Variants in SPTBN1 observed in about 807,000 individuals in gnomAD.
The protein encoded by SPTBN1 is spectrin beta chain, non-erythrocytic 1.
In SPTBN1, 32 loss-of-function variants were observed where a neutral mutation model predicts 266.4. The ratio of observed to expected loss-of-function variants is 0.12; its 90% CI spans 0.09 to 0.16. The LOEUF (loss-of-function observed/expected upper bound fraction) is 0.16. Ranked by LOEUF, SPTBN1 falls within the 10% of genes least tolerant of loss-of-function variation. SPTBN1 has a pLI of 1.00. For missense variants in SPTBN1, 2,296 were observed against 3,067.1 expected, an observed-to-expected ratio of 0.75 and a Z score of 5.94; for synonymous variants, 1,336 against 1,162.2, an observed-to-expected ratio of 1.15 and a Z score of -3.04.
At chr2:54,557,752 T>G in intron 2 of SPTBN1, 1 of 985,408 alleles carries the variant, frequency 1.0e-6, no homozygotes, top group Non-Finnish European at 1.2e-6. Context: ...AGGCCCGTGT[T>G]ATTCCAGGAA....
At chr2:54,476,209 G>A (rs528058520) in intron 1 of SPTBN1, among the ~76,000 whole-genome samples, 14 of 152,126 alleles carry the variant, frequency 9.2e-5, no homozygotes, top group Admixed American at 7.9e-4. Flanking sequence ...CTCAAGGACG[G>A]TGGACTGATG....
At chr2:54,486,470 A>G (rs1001380890) in intron 1 of SPTBN1, among the ~76,000 whole-genome samples, 1 of 152,190 alleles carries the variant, frequency 6.6e-6, no homozygotes, top group Non-Finnish European at 1.5e-5. Context: ...TCAGGGGTCA[A>G]TGGATTAAGG....
intron 2 of SPTBN1, among the ~76,000 whole-genome samples, chr2:54,592,991 T>G (rs1675788618): frequency 6.6e-6 from 1 of 152,184 alleles, no homozygotes; most frequent in South Asian, 2.1e-4. Context: ...GAAGTGCCAT[T>G]CAGATGCATG....
rs138667359 is a variant in SPTBN1 at position 54,650,652 on chromosome 2, G to T, written c.5577+663G>T. ...CCTGATTATGTCAAGGGTTCTTGTT[G>T]TTAAGAGTATATTGAGTATCTAAGT... On this transcript the variant is annotated intron_variant, in intron 26 of 35. Coordinates refer to ENST00000356805, the MANE Select transcript of SPTBN1 (RefSeq NM_003128.3). Among the ~76,000 whole-genome samples the T allele has an allele frequency of 5.4e-3, 820 of 152,294 alleles. 6 individuals are homozygous for T. Among genetic ancestry groups the T allele is most frequent in the African/African-American group, 0.019 (786 of 41,558 alleles).
At position 54,645,980 on chromosome 2, in the gene SPTBN1, A is replaced by G; in HGVS notation, c.4547A>G (p.Asn1516Ser). Residue 1516 changes from asparagine to serine, a missense_variant, in exon 22 of 36, where the codon AAC (asparagine) becomes AGC (serine). Around this residue, in one of 12 missense-constraint regions of SPTBN1, gnomAD observed 644 missense variants for 745.3 expected, o/e 0.86. Transcript: ENST00000356805. The surrounding 1 kb of genome is among the most constrained non-coding windows in gnomAD (Gnocchi z 4.3). Reference protein sequence around the residue: ...PLATSTDHGHNLQTVQLLIKK... With the variant: ...PLATSTDHGHSLQTVQLLIKK... ...GCAACTTCCACGGATCATGGCCACA[A>G]CCTCCAGACTGTGCAGCTGTTAATA... 1.2e-6 allele frequency: 2 copies of G among 1,612,222 alleles called. No individual in the cohort carries two copies. The highest frequency in any genetic ancestry group is 1.7e-6 in the Non-Finnish European group (2 of 1,179,596).
chr2:54,658,139 G>C (rs1680800946), intron 30 of SPTBN1, 93 bp downstream of exon 30: 1 of 1,426,164 alleles, frequency 7.0e-7, no homozygotes, highest in African/African-American at 1.5e-5. Context: ...ACGATTGCTT[G>C]TTTTTGTTTT....
rs1679982951 is a variant in SPTBN1, at chr2:54,647,232, G to A, written c.4968G>A (p.Arg1656=). 2 of 1,613,906 alleles carry A rather than the reference G, an allele frequency of 1.2e-6. No individual in the cohort carries two copies. The highest frequency in any genetic ancestry group is 2.7e-5 in the African/African-American group (2 of 74,906). Reference sequence around the variant, plus strand: ...TGCATCAGCTCTCCAAGACCAGCCGGGCCCTGGTGGCCGACAGCCATCCTG... The same window carrying A: ...TGCATCAGCTCTCCAAGACCAGCCGAGCCCTGGTGGCCGACAGCCATCCTG... The part of the protein sequence containing the change: ...ETVHQLSKTS[R]ALVADSHPES... The change falls in exon 24 of 36, where the codon CGG becomes CGA. Residue 1656 remains arginine, a synonymous_variant. Coordinates refer to ENST00000356805, the MANE Select transcript of SPTBN1 (RefSeq NM_003128.3).
At chr2:54,502,384 C>T (rs558809047) in intron 1 of SPTBN1, among the ~76,000 whole-genome samples, 32 of 152,306 alleles carry the variant, frequency 2.1e-4, no homozygotes, top group Non-Finnish European at 3.2e-4. Context: ...TTTACCTGCA[C>T]GCCCCCCAAC....
chr2:54,659,535 G>T (rs941727870), intron 31 of SPTBN1, among the ~76,000 whole-genome samples: 1 of 152,180 alleles, frequency 6.6e-6, no homozygotes, highest in African/African-American at 2.4e-5. Context: ...AGGATGCTCA[G>T]AACTTCCATA....
intron 1 of SPTBN1, among the ~76,000 whole-genome samples, chr2:54,512,362 T>C (rs1669904109): frequency 6.6e-6 from 1 of 152,228 alleles, no homozygotes; most frequent in African/African-American, 2.4e-5. Context: ...GGGAAACATT[T>C]ACCAAGCATA....
intron 1 of SPTBN1, among the ~76,000 whole-genome samples, chr2:54,481,372 T>C (rs901218229): frequency 2.0e-5 from 3 of 149,886 alleles, no homozygotes; most frequent in African/African-American, 7.4e-5. Context: ...ATTGGAAGAT[T>C]AGAGGCTGCA....
At chr2:54,620,752 G>C (rs1677938140) in intron 7 of SPTBN1, among the ~76,000 whole-genome samples, 1 of 152,182 alleles carries the variant, frequency 6.6e-6, no homozygotes, top group South Asian at 2.1e-4. Context: ...GTGAATATTT[G>C]ACAAATTGAT....
At chr2:54,587,255 C>T (rs546170288) in intron 2 of SPTBN1, among the ~76,000 whole-genome samples, 2 of 152,212 alleles carry the variant, frequency 1.3e-5, no homozygotes, top group Middle Eastern at 3.2e-3. Context: ...TTGTGTGCCA[C>T]ATGGTAGACT....
At chr2:54,659,317 A>G (rs1456342578) in intron 31 of SPTBN1, 51 bp downstream of exon 31, 8 of 1,570,182 alleles carry the variant, frequency 5.1e-6, no homozygotes, top group Non-Finnish European at 3.5e-6. Context: ...GTGGCCAATG[A>G]GGTTTATGGG....
At chr2:54,532,839 T>G (rs1178160950) in intron 2 of SPTBN1, among the ~76,000 whole-genome samples, 1 of 152,200 alleles carries the variant, frequency 6.6e-6, no homozygotes, top group African/African-American at 2.4e-5. Flanking sequence ...GATTCTACTG[T>G]GAGACAAGAA....
chr2:54,642,529 GT>G (rs531997353), intron 18 of SPTBN1, among the ~76,000 whole-genome samples: 1,013 of 92,286 alleles, frequency 0.011, 8 homozygotes, highest in African/African-American at 0.026. Flanking sequence ...TAAATAAGTA[GT>G]TTTTTTTTTT....
In SPTBN1 at chr2:54,649,235, T is replaced by C; in HGVS notation, c.5202+45T>C. On this transcript the variant is annotated intron_variant, in intron 25 of 35. Transcript: ENST00000356805. The surrounding 1 kb of genome is among the most constrained non-coding windows in gnomAD (Gnocchi z 6.7). Reference sequence around the variant, plus strand: ...CATGAGTTGGTTGTGCAGTAAGCGATGGTGTGGAAGGCCATTTGCATTCCT... The same window carrying C: ...CATGAGTTGGTTGTGCAGTAAGCGACGGTGTGGAAGGCCATTTGCATTCCT... 6.4e-7 allele frequency: 1 copy of C among 1,553,050 alleles called. No individual in the cohort carries two copies. Among genetic ancestry groups the C allele is most frequent in the South Asian group, 1.2e-5 (1 of 83,132 alleles).
intron 35 of SPTBN1, 123 bp from the exon 36 acceptor site, chr2:54,668,228 A>G (rs1681503348): frequency 1.2e-6 from 1 of 826,518 alleles, no homozygotes; most frequent in African/African-American, 1.7e-5. Context: ...ATTTGGGGAC[A>G]GTGCCCAGAA....
chr2:54,523,913 A>G (rs1464386983), intron 1 of SPTBN1, among the ~76,000 whole-genome samples: 3 of 152,194 alleles, frequency 2.0e-5, no homozygotes, highest in African/African-American at 4.8e-5. Context: ...TAAGATGTTG[A>G]TAACAGCCGG....
Sources: gnomAD v4.1 joint callset for allele counts (sites outside exome capture counted in the v4.1 genomes callset) on GRCh38, gnomAD v4.1.1 for gene constraint, gnomAD v4.1.1 regional missense constraint, Gnocchi (gnomAD v3.1) non-coding constraint, MANE v1.5 for transcripts, NCBI Gene and HGNC (gene_info 2026-07-23, HGNC 2026-07-21) for gene names.